Variants in ATP10D observed in about 807,000 individuals in gnomAD.
The protein encoded by ATP10D is phospholipid-transporting ATPase VD.
In ATP10D, 89 loss-of-function variants were observed where a neutral mutation model predicts 144.8. That is an observed-to-expected ratio of 0.61 (90% CI 0.52 to 0.73). The LOEUF is 0.73. ATP10D is among the 30% of genes least tolerant of loss of function. The pLI is 0.00. For synonymous variants in ATP10D, 571 were observed against 615.1 expected, an observed-to-expected ratio of 0.93 and a Z score of 1.06; for missense variants, 1,603 against 1,714.8, an observed-to-expected ratio of 0.93 and a Z score of 1.15.
chr4:47,547,064 A>G, intron 10 of ATP10D: 1 of 583,868 alleles, frequency 1.7e-6, no homozygotes, highest in Non-Finnish European at 3.0e-6. Context: ...AAATAACTCA[A>G]TGTTGAGAGG....
At chr4:47,503,730 C>T (rs1400496154) in intron 1 of ATP10D, among the ~76,000 whole-genome samples, 1 of 151,894 alleles carries the variant, frequency 6.6e-6, no homozygotes, top group Non-Finnish European at 1.5e-5. Context: ...GACCCTGTCT[C>T]TACAAAAGAA....
rs1276035236 is a variant in ATP10D at position 47,576,987 on chromosome 4, C to A, written c.3567+14C>A. 1 of 1,612,566 alleles carries A rather than the reference C, an allele frequency of 6.2e-7. No individual in the cohort carries two copies. Among genetic ancestry groups the A allele is most frequent in the Non-Finnish European group, 8.5e-7 (1 of 1,178,742 alleles). ...CAGAAATCAGAGGTAGGTGTTAAAGCAAGAGTGCTTGGATGGATGCATATC... is the reference window on the plus strand; with the variant it reads ...CAGAAATCAGAGGTAGGTGTTAAAGAAAGAGTGCTTGGATGGATGCATATC... On this transcript the variant is annotated intron_variant, in intron 19 of 22. Transcript: ENST00000273859.
chr4:47,509,292 T>C (rs1470357075), intron 1 of ATP10D, among the ~76,000 whole-genome samples: 1 of 152,244 alleles, frequency 6.6e-6, no homozygotes, highest in Admixed American at 6.5e-5. Flanking sequence ...AAAAGATCTT[T>C]ATAAATATTT....
chr4:47,590,147 T>A (rs1011709406), intron 22 of ATP10D, among the ~76,000 whole-genome samples: 6 of 152,122 alleles, frequency 3.9e-5, no homozygotes, highest in Non-Finnish European at 5.9e-5. Flanking sequence ...TAAATTGTGT[T>A]CTACAGTAAT....
At chr4:47,509,064 G>A (rs867275500) in intron 1 of ATP10D, among the ~76,000 whole-genome samples, 6 of 152,152 alleles carry the variant, frequency 3.9e-5, no homozygotes, top group Non-Finnish European at 8.8e-5. Flanking sequence ...TTTTAACTTT[G>A]TTGGAAGTGA....
At position 47,560,917 on chromosome 4, in the gene ATP10D, G is replaced by A. The variant is rs746676015; in HGVS notation, c.2542-32G>A. 5 of 1,613,164 alleles carry A rather than the reference G, an allele frequency of 3.1e-6. No homozygotes were observed. The African/African-American group carries it at 6.7e-5, about 22-fold the overall frequency. On this transcript the variant is annotated intron_variant, in intron 13 of 22. Transcript: ENST00000273859. ...GTATTCCCACAAGATCATATGGCTT[G>A]CTTCATACCTCTCTTTTAATTCTTC...
rs1013350803 is a variant in ATP10D at position 47,509,959 on chromosome 4, T to C, written c.-37-2545T>C. On this transcript the variant is annotated intron_variant, in intron 1 of 22. Coordinates refer to ENST00000273859, the MANE Select transcript of ATP10D (RefSeq NM_020453.4). ...TGTTTCAGGGGTGTGTGTGTGTGTG[T>C]GTGTGTGTGTGTGTGTGTGTGTGTA... 1.1e-4 allele frequency among the ~76,000 whole-genome samples: 17 copies of C among 151,282 alleles called. No homozygotes were observed. In the South Asian group the frequency reaches 1.3e-3, roughly 11 times the overall value.
intron 1 of ATP10D, among the ~76,000 whole-genome samples, chr4:47,505,723 G>A (rs756328642): frequency 6.0e-5 from 9 of 151,094 alleles, no homozygotes; most frequent in South Asian, 2.1e-4. Flanking sequence ...CAGCATGGGC[G>A]ACAGAGCAAG....
chr4:47,550,532 G>A (rs1718681336), intron 10 of ATP10D, among the ~76,000 whole-genome samples: 1 of 152,146 alleles, frequency 6.6e-6, no homozygotes, highest in Non-Finnish European at 1.5e-5. Flanking sequence ...ATGGTGGCGT[G>A]TGGCTTCCAA....
chr4:47,494,758 A>G (rs1249882210), intron 1 of ATP10D, among the ~76,000 whole-genome samples: 1 of 152,174 alleles, frequency 6.6e-6, no homozygotes, highest in East Asian at 1.9e-4. Flanking sequence ...TTTGAAAAGT[A>G]TAACTGACTT....
chr4:47,569,274 T>C lies in ATP10D; in HGVS notation c.3163+128T>C, dbSNP rs1719819897. ...CCTCCCTTTTTCTCTACCACATTCA[T>C]GCCTTCCCATCACCTATTTGAGCAC... On this transcript the variant is annotated intron_variant, in intron 16 of 22. Coordinates refer to ENST00000273859, the MANE Select transcript of ATP10D (RefSeq NM_020453.4). 3.7e-6 allele frequency: 4 copies of C among 1,069,522 alleles called. No individual in the cohort carries two copies. The African/African-American group carries it at 6.4e-5, about 17-fold the overall frequency. The allele number at this position is 1,069,522 out of a possible 1,614,324, so 66.3% of individuals were successfully genotyped here.
At chr4:47,565,852 G>T (rs1379168778) in intron 15 of ATP10D, among the ~76,000 whole-genome samples, 1 of 152,060 alleles carries the variant, frequency 6.6e-6, no homozygotes, top group Non-Finnish European at 1.5e-5. Context: ...ATCGATTCAA[G>T]AAGTATTTAC....
chr4:47,490,640 G>A (rs1715018883), intron 1 of ATP10D, among the ~76,000 whole-genome samples: 1 of 152,228 alleles, frequency 6.6e-6, no homozygotes, highest in South Asian at 2.1e-4. Flanking sequence ...TTAGGATGTA[G>A]GATTGGTAAC....
chr4:47,544,568 T>TA (rs1279298868), intron 9 of ATP10D, among the ~76,000 whole-genome samples: 3 of 152,166 alleles, frequency 2.0e-5, no homozygotes, highest in Non-Finnish European at 4.4e-5. Context: ...GGAAAGATCT[T>TA]AAAGTCACCG....
At chr4:47,526,873 G>A (rs1717273795) in intron 5 of ATP10D, among the ~76,000 whole-genome samples, 1 of 152,008 alleles carries the variant, frequency 6.6e-6, no homozygotes, top group Non-Finnish European at 1.5e-5. Flanking sequence ...CTACTTAATT[G>A]GAAATCAGTT....
intron 6 of ATP10D, 82 bp from the exon 7 acceptor site, chr4:47,535,820 C>G: frequency 6.8e-7 from 1 of 1,468,416 alleles, no homozygotes; most frequent in Non-Finnish European, 9.2e-7. Context: ...ATTAAATTGT[C>G]TGCAAGAGAG....
At chr4:47,508,357 A>T (rs1716133190) in intron 1 of ATP10D, among the ~76,000 whole-genome samples, 1 of 152,240 alleles carries the variant, frequency 6.6e-6, no homozygotes, top group African/African-American at 2.4e-5. Flanking sequence ...CTTTGGACCT[A>T]AGCCCAATGT....
intron 9 of ATP10D, among the ~76,000 whole-genome samples, chr4:47,543,932 A>G (rs1202709977): frequency 6.6e-6 from 1 of 152,194 alleles, no homozygotes; most frequent in Admixed American, 6.5e-5. Flanking sequence ...TACTAGGGAT[A>G]TTTCATTGAC....
intron 16 of ATP10D, among the ~76,000 whole-genome samples, chr4:47,569,707 G>A (rs1719846109): frequency 6.6e-6 from 1 of 152,106 alleles, no homozygotes; most frequent in Non-Finnish European, 1.5e-5. Flanking sequence ...AAAATAAAGT[G>A]GAATGAGGAC....
Sources: gnomAD v4.1 joint callset for allele counts (sites outside exome capture counted in the v4.1 genomes callset) on GRCh38, gnomAD v4.1.1 for gene constraint, MANE v1.5 for transcripts, NCBI Gene and HGNC (gene_info 2026-07-23, HGNC 2026-07-21) for gene names.